The following PAX2 variants were observed in gnomAD, a reference collection of about 807,000 sequenced individuals.
The protein encoded by PAX2 is paired box 2, also known as paired box protein Pax-2.
PAX2 carries 9 observed loss-of-function variants against 41.7 expected under a neutral mutation model. The observed-to-expected ratio is 0.22, with a 90% CI of 0.13 to 0.38. The LOEUF (loss-of-function observed/expected upper bound fraction) is 0.38. PAX2 is among the 10% of genes least tolerant of loss of function. The pLI, the probability that PAX2 is intolerant of heterozygous loss-of-function variation, is 1.00. For missense variants in PAX2, 418 were observed against 531.6 expected, an observed-to-expected ratio of 0.79 and a Z score of 2.10; for synonymous variants, 221 against 212.7, an observed-to-expected ratio of 1.04 and a Z score of -0.34.
chr10:100,784,719 T>A (rs1846779640), intron 5 of PAX2, among the ~76,000 whole-genome samples: 1 of 152,216 alleles, frequency 6.6e-6, no homozygotes, highest in South Asian at 2.1e-4. Flanking sequence ...GCACTGGCAC[T>A]CGGAATATGG....
chr10:100,772,591 G>A (rs1451739769), intron 3 of PAX2, among the ~76,000 whole-genome samples: 1 of 152,122 alleles, frequency 6.6e-6, no homozygotes, highest in Non-Finnish European at 1.5e-5. Context: ...TTTCTACCCT[G>A]GAGTGCCTTT....
At chr10:100,819,318 C>T (rs1006462344) in intron 7 of PAX2, among the ~76,000 whole-genome samples, 3 of 151,894 alleles carry the variant, frequency 2.0e-5, no homozygotes, top group African/African-American at 7.3e-5. Context: ...CCTGTAATCC[C>T]AGCACTTTGG....
intron 5 of PAX2, among the ~76,000 whole-genome samples, chr10:100,784,865 G>A (rs1281339104): frequency 6.6e-6 from 1 of 152,204 alleles, no homozygotes; most frequent in Non-Finnish European, 1.5e-5. Context: ...GCCTTTGAGA[G>A]TATGGAAAAC....
intron 3 of PAX2, among the ~76,000 whole-genome samples, chr10:100,758,732 C>T (rs368203086): frequency 4.6e-5 from 7 of 152,288 alleles, no homozygotes; most frequent in African/African-American, 1.7e-4. Flanking sequence ...CCGAATAAAA[C>T]TCAACTTTGG....
intron 5 of PAX2, among the ~76,000 whole-genome samples, chr10:100,798,164 G>A (rs1404633935): frequency 2.7e-5 from 4 of 146,034 alleles, no homozygotes; most frequent in Admixed American, 2.1e-4. Flanking sequence ...CTCCCAGGCT[G>A]GAGTGCAGTG....
intron 5 of PAX2, among the ~76,000 whole-genome samples, chr10:100,793,283 G>C (rs1389844152): frequency 6.6e-6 from 1 of 152,196 alleles, no homozygotes; most frequent in African/African-American, 2.4e-5. Flanking sequence ...CTGCATACCA[G>C]TGCTCCCAGG....
chr10:100,763,712 T>C (rs1194635755), intron 3 of PAX2, among the ~76,000 whole-genome samples: 2 of 152,244 alleles, frequency 1.3e-5, no homozygotes, highest in Non-Finnish European at 2.9e-5. Flanking sequence ...TCTTCATTTA[T>C]CTTTTCATTC....
chr10:100,786,118 G>A (rs575386113), intron 5 of PAX2, among the ~76,000 whole-genome samples: 24 of 152,348 alleles, frequency 1.6e-4, no homozygotes, highest in African/African-American at 5.5e-4. Flanking sequence ...ATTTATTTGG[G>A]CATAGGCGCC....
At chr10:100,766,044 T>C (rs528173634) in intron 3 of PAX2, among the ~76,000 whole-genome samples, 12 of 152,336 alleles carry the variant, frequency 7.9e-5, no homozygotes, top group African/African-American at 2.9e-4. Context: ...TAGGGCTTTA[T>C]AGGATTGTTA....
intron 5 of PAX2, among the ~76,000 whole-genome samples, chr10:100,797,137 A>G (rs1420683776): frequency 6.6e-6 from 1 of 152,260 alleles, no homozygotes; most frequent in Non-Finnish European, 1.5e-5. Context: ...GCCAACATTC[A>G]TGATCACTTT....
Position 100,748,822 on chromosome 10 carries a change from G to C in PAX2, c.44-924G>C, listed in dbSNP as rs189830038. ...GAGGTCTGAGGGGTCAAAGGGACTC[G>C]AGTCGGGTTTGGGTCGGCTACACAG... is the stretch of plus-strand genomic sequence containing the variant. On this transcript the variant is annotated intron_variant, in intron 1 of 9. Transcript: ENST00000355243. This position sits in a 1 kb window ranked among gnomAD's most constrained non-coding sequence, Gnocchi z 5.0. The C allele has an allele frequency of 2.2e-4, 215 of 985,456 alleles. 1 individual carries two copies. In the African/African-American group the frequency reaches 3.3e-3, roughly 15 times the overall value. 61.0% of individuals were successfully genotyped at this position (985,456 alleles called of 1,614,324 possible).
At chr10:100,814,432 C>T (rs566679654) in intron 7 of PAX2, among the ~76,000 whole-genome samples, 62 of 150,764 alleles carry the variant, frequency 4.1e-4, no homozygotes, top group African/African-American at 1.4e-3. Flanking sequence ...CAGTCCCTTC[C>T]CACCACTGCT....
chr10:100,779,853 T>C (rs1846542806), intron 4 of PAX2, among the ~76,000 whole-genome samples: 1 of 152,030 alleles, frequency 6.6e-6, no homozygotes, highest in Admixed American at 6.6e-5. Flanking sequence ...TCTTAAGTGT[T>C]TTTCTTCTAG....
intron 5 of PAX2, among the ~76,000 whole-genome samples, chr10:100,782,905 C>G (rs1394035479): frequency 6.6e-6 from 1 of 152,264 alleles, no homozygotes; most frequent in African/African-American, 2.4e-5. Flanking sequence ...CCCTAAAGGT[C>G]TCTCCCTTAA....
rs1355241334 is a variant in PAX2 at position 100,829,651 on chromosome 10, G to T, written c.*2032G>T. The T allele has an allele frequency of 2.9e-5, 6 of 204,482 alleles. No homozygotes were observed. The highest frequency in any genetic ancestry group is 1.6e-3 in the Middle Eastern group (1 of 632). 12.7% of individuals were successfully genotyped at this position (204,482 alleles called of 1,614,324 possible). A position where few individuals can be genotyped will look rare whatever the true frequency, so the allele number is the denominator to read the frequency against. On this transcript the variant is annotated 3_prime_UTR_variant, in exon 10 of 10. Coordinates refer to ENST00000355243, the MANE Select transcript of PAX2 (RefSeq NM_000278.5). ...CTGCGAGCCCTTTTTATTTGAGAAG[G>T]AAAAAGAGAAAAGAGAATCGTTTAA... is the stretch of plus-strand genomic sequence containing the variant.
chr10:100,746,048 C>G lies in PAX2; in HGVS notation c.-213C>G. ...CCCGAGCCCCGACAGTGGCAAGTTG[C>G]GGCTACTGCAGTTGCAAGCTCCGGC... On this transcript the variant is annotated 5_prime_UTR_variant, in exon 1 of 10. Coordinates refer to ENST00000355243, the MANE Select transcript of PAX2 (RefSeq NM_000278.5). The G allele has an allele frequency of 1.4e-6, 2 of 1,457,444 alleles. No homozygotes were observed. The highest frequency in any genetic ancestry group is 1.8e-6 in the Non-Finnish European group (2 of 1,112,970). 90.3% of individuals were successfully genotyped at this position (1,457,444 alleles called of 1,614,324 possible). A position where few individuals can be genotyped will look rare whatever the true frequency, so the allele number is the denominator to read the frequency against.
chr10:100,765,641 G>A (rs1845993488), intron 3 of PAX2, among the ~76,000 whole-genome samples: 3 of 152,304 alleles, frequency 2.0e-5, no homozygotes, highest in South Asian at 4.1e-4. Context: ...ACCAGATGCA[G>A]GGCCAGATGC....
rs118182653 is a variant in PAX2, at chr10:100,751,503, A to G, written c.410+612A>G. On this transcript the variant is annotated intron_variant, in intron 3 of 9. Coordinates refer to ENST00000355243, the MANE Select transcript of PAX2 (RefSeq NM_000278.5). ...GAGGGAGTGCCAAGCAGGGAGGGAG[A>G]ACTCCAGACTTTGAGACTGAACCTT... 5.9e-5 allele frequency among the ~76,000 whole-genome samples: 9 copies of G among 152,286 alleles called. No individual in the cohort carries two copies. In the East Asian group the frequency reaches 1.7e-3, roughly 29 times the overall value.
intron 3 of PAX2, among the ~76,000 whole-genome samples, chr10:100,768,536 G>A (rs1025774858): frequency 3.3e-5 from 5 of 152,196 alleles, no homozygotes; most frequent in Admixed American, 6.5e-5. Flanking sequence ...GAGGATAAGC[G>A]TGTTTAAAAT....
Sources: gnomAD v4.1 joint callset for allele counts (sites outside exome capture counted in the v4.1 genomes callset) on GRCh38, gnomAD v4.1.1 for gene constraint, Gnocchi (gnomAD v3.1) non-coding constraint, MANE v1.5 for transcripts, NCBI Gene and HGNC (gene_info 2026-07-23, HGNC 2026-07-21) for gene names.